The following ZNF697 variants were observed in gnomAD, a reference collection of about 807,000 sequenced individuals.
ZNF697 encodes the protein zinc finger protein 697.
A neutral mutation model predicts 32.4 loss-of-function variants in ZNF697; 23 were observed. That is an observed-to-expected ratio of 0.71 (90% CI 0.51 to 1.01). ZNF697 has a LOEUF of 1.01. ZNF697 is among the 50% of genes least tolerant of loss of function. ZNF697 has a pLI of 0.00. For missense variants in ZNF697, 930 were observed against 794.0 expected, an observed-to-expected ratio of 1.17 and a Z score of -2.06; for synonymous variants, 418 against 337.2, an observed-to-expected ratio of 1.24 and a Z score of -2.62.
In ZNF697 at chr1:119,626,028, C is replaced by CA; in HGVS notation, c.72dup (p.Glu25Ter). ...TCCCCTTCCCTGTCCTCAGAGTCCT[C>CA]AAAATCAGAACCCATCCCTTTGTCT... On this transcript the variant is annotated frameshift_variant, in exon 2 of 3. Coordinates refer to ENST00000421812, the MANE Select transcript of ZNF697 (RefSeq NM_001080470.2). LOFTEE classifies it high-confidence loss of function. The CA allele has an allele frequency of 6.2e-7, 1 of 1,613,732 alleles. No individual in the cohort carries two copies. Among genetic ancestry groups the CA allele is most frequent in the East Asian group, 2.2e-5 (1 of 44,882 alleles).
At chr1:119,641,211 G>A (rs587776123) in intron 1 of ZNF697, among the ~76,000 whole-genome samples, 2 of 152,340 alleles carry the variant, frequency 1.3e-5, no homozygotes, top group East Asian at 1.9e-4. Flanking sequence ...TGTGGCTGCA[G>A]TCTGGTTAAA....
rs779215619 is a variant in ZNF697, at chr1:119,623,198, C to T, written c.1145G>A (p.Gly382Asp). The change falls in exon 3 of 3, where the codon GGC becomes GAC. Residue 382 changes from glycine to aspartate, a missense_variant. Transcript: ENST00000421812. ...GAAGCGCTTGCCGCACTCGCCACAG[C>T]CGTGCGGCTTCTCGCCCGTGTGGAT... ...QRIHTGEKPH[G>D]CGECGKRFSW... 1 of 1,553,970 alleles carries T rather than the reference C, an allele frequency of 6.4e-7. No homozygotes were observed. Among genetic ancestry groups the T allele is most frequent in the African/African-American group, 1.4e-5 (1 of 71,500 alleles).
chr1:119,633,356 A>ATGTGTG (rs58387828), intron 1 of ZNF697, among the ~76,000 whole-genome samples: 2,489 of 143,210 alleles, frequency 0.017, 30 homozygotes, highest in African/African-American at 0.037. Context: ...AACCAATAGG[A>ATGTGTG]TGTGTGTGTG....
intron 2 of ZNF697, 131 bp downstream of exon 2, chr1:119,625,744 C>G (rs1459138439): frequency 4.7e-6 from 6 of 1,274,440 alleles, no homozygotes; most frequent in Non-Finnish European, 6.4e-6. Flanking sequence ...CAAGTCAGTA[C>G]AGAATCCTGC....
chr1:119,627,895 A>G (rs1455407456), intron 1 of ZNF697, among the ~76,000 whole-genome samples: 1 of 152,182 alleles, frequency 6.6e-6, no homozygotes, highest in East Asian at 1.9e-4. Context: ...TACTGACCCC[A>G]AATCACTTCT....
chr1:119,624,203 G>T, intron 2 of ZNF697, 87 bp from the exon 3 acceptor site: 1 of 1,430,640 alleles, frequency 7.0e-7, no homozygotes, highest in South Asian at 1.5e-5. Flanking sequence ...ATAAAACTGT[G>T]ATCCCCTCCC....
Position 119,623,249 on chromosome 1 carries a change from C to T in ZNF697, c.1094G>A (p.Arg365His), listed in dbSNP as rs767474250. The T allele has an allele frequency of 1.9e-6, 3 of 1,556,596 alleles. No individual in the cohort carries two copies. Among genetic ancestry groups the T allele is most frequent in the Non-Finnish European group, 2.6e-6 (3 of 1,155,034 alleles). ...GCGCTGGTGGTTGGCCAGGTGCGAA[C>T]GGCGCACGAAGCCCTTGCCGCACTC... is the stretch of plus-strand genomic sequence containing the variant. ...CGECGKGFVRRSHLANHQRIH... is the reference protein window; with the variant it reads ...CGECGKGFVRHSHLANHQRIH... The change falls in exon 3 of 3, where the codon CGT (arginine) becomes CAT (histidine). Residue 365 changes from arginine to histidine, a missense_variant. Transcript: ENST00000421812.
rs761809418 is a variant in ZNF697 at position 119,623,513 on chromosome 1, G to C, written c.830C>G (p.Thr277Ser). The stretch of plus-strand genomic sequence containing the variant: ...GCCCGTGTGCAGGCGCAGGTGGTTG[G>C]TCAGGTAGGTGTTGCGGCTGAAGCC... ...GKGFSRNTYLTNHLRLHTGER... is the reference protein window; with the variant it reads ...GKGFSRNTYLSNHLRLHTGER... Residue 277 changes from threonine (T) to serine (S), a missense_variant, in exon 3 of 3, where the codon ACC (threonine) becomes AGC (serine). Physicochemically the swap from Thr to Ser is moderately conservative, Grantham distance 58. Transcript: ENST00000421812. 5.1e-6 allele frequency: 8 copies of C among 1,568,054 alleles called. No homozygotes were observed. Among genetic ancestry groups the C allele is most frequent in the Non-Finnish European group, 6.0e-6 (7 of 1,158,642 alleles).
rs1209488800 is a variant in ZNF697 at position 119,624,084 on chromosome 1, C to G, written c.259G>C (p.Val87Leu). The part of the protein sequence containing the change: ...GQLSEEEGVS[V>L]RGEEDDQSGV... ...GATTGGTCATCCTCTTCCCCACGGA[C>G]AGAAACGCCTTCTTCCTCACTCAGC... The change falls in exon 3 of 3, where the codon GTC becomes CTC. Residue 87 changes from valine (V) to leucine (L), a missense_variant. Coordinates refer to ENST00000421812, the MANE Select transcript of ZNF697 (RefSeq NM_001080470.2). The G allele has an allele frequency of 6.3e-7, 1 of 1,593,276 alleles. No homozygotes were observed. Among genetic ancestry groups the G allele is most frequent in the Non-Finnish European group, 8.6e-7 (1 of 1,168,108 alleles).
At chr1:119,637,819 T>G (rs952668605) in intron 1 of ZNF697, among the ~76,000 whole-genome samples, 1 of 152,002 alleles carries the variant, frequency 6.6e-6, no homozygotes, top group African/African-American at 2.4e-5. Context: ...TCTTGTTGGC[T>G]AGAAAAAAAA....
At chr1:119,642,630 T>C (rs587735821) in intron 1 of ZNF697, among the ~76,000 whole-genome samples, 122 of 152,284 alleles carry the variant, frequency 8.0e-4, no homozygotes, top group South Asian at 1.9e-3. Context: ...CACACCTCAT[T>C]GTAAAAAATT....
Position 119,622,945 on chromosome 1 carries a change from G to C in ZNF697, c.1398C>G (p.Arg466=). ...TGAAGCGCTTCTCGCACTGGCCACAGCGGAAGGGCTTCTCGCCGGTGTGCA... is the reference window on the plus strand; with the variant it reads ...TGAAGCGCTTCTCGCACTGGCCACACCGGAAGGGCTTCTCGCCGGTGTGCA... ...LRVHTGEKPF[R]CGQCEKRFSD... is the part of the protein sequence containing the mutation. Residue 466 remains arginine, a synonymous_variant, in exon 3 of 3, where the codon CGC becomes CGG. Coordinates refer to ENST00000421812, the MANE Select transcript of ZNF697 (RefSeq NM_001080470.2). 6.2e-7 allele frequency: 1 copy of C among 1,605,534 alleles called. No individual in the cohort carries two copies. The highest frequency in any genetic ancestry group is 8.5e-7 in the Non-Finnish European group (1 of 1,175,674).
At chr1:119,630,528 C>T (rs2101085598) in intron 1 of ZNF697, among the ~76,000 whole-genome samples, 1 of 152,340 alleles carries the variant, frequency 6.6e-6, no homozygotes, top group Middle Eastern at 3.4e-3. Context: ...TAAGGCCTAT[C>T]ACCCTATCAC....
At chr1:119,634,088 T>A (rs1333702999) in intron 1 of ZNF697, among the ~76,000 whole-genome samples, 1 of 152,230 alleles carries the variant, frequency 6.6e-6, no homozygotes, top group African/African-American at 2.4e-5. Context: ...AAGTTGATGC[T>A]GGAATCCCAT....
Position 119,622,648 on chromosome 1 carries a change from C to A in ZNF697, c.*57G>T. 6.9e-7 allele frequency: 1 copy of A among 1,458,506 alleles called. No homozygotes were observed. The allele number at this position is 1,458,506 out of a possible 1,614,324, so 90.3% of individuals were successfully genotyped here. ...CCCACTTCCTTCCCCTGGGTCAGTC[C>A]CAGGATATCTACCCCCCACAGGCTC... On this transcript the variant is annotated 3_prime_UTR_variant, in exon 3 of 3. Transcript: ENST00000421812.
At position 119,625,958 on chromosome 1, in the gene ZNF697, T is replaced by C; in HGVS notation, c.143A>G (p.Lys48Arg). 1.2e-6 allele frequency: 2 copies of C among 1,613,350 alleles called. No individual in the cohort carries two copies. Among genetic ancestry groups the C allele is most frequent in the Non-Finnish European group, 1.7e-6 (2 of 1,179,856 alleles). ...CTCCGGCTCCGGATGGCCTTCTCTCTTGTTTGTGTCATGTGGATTAGAGCC... is the reference window on the plus strand; with the variant it reads ...CTCCGGCTCCGGATGGCCTTCTCTCCTGTTTGTGTCATGTGGATTAGAGCC... ...EMGSNPHDTN[K>R]REGHPEPEMG... The change falls in exon 2 of 3, where the codon AAG (lysine) becomes AGG (arginine). Residue 48 changes from lysine to arginine, a missense_variant. Coordinates refer to ENST00000421812, the MANE Select transcript of ZNF697 (RefSeq NM_001080470.2).
Position 119,632,036 on chromosome 1 carries a change from A to T in ZNF697, c.-37-5899T>A, listed in dbSNP as rs72994218. 8.5e-3 allele frequency among the ~76,000 whole-genome samples: 1,297 copies of T among 152,230 alleles called. 26 individuals carry two copies. The highest frequency in any genetic ancestry group is 0.029 in the African/African-American group (1,217 of 41,528). On this transcript the variant is annotated intron_variant, in intron 1 of 2. Coordinates refer to ENST00000421812, the MANE Select transcript of ZNF697 (RefSeq NM_001080470.2). ...CAACTGGGGTCTAACCAGAGATTCC[A>T]GGGGGTTAATCATTTGTCCATCTTC...
intron 1 of ZNF697, among the ~76,000 whole-genome samples, chr1:119,638,362 C>T (rs1473015236): frequency 1.3e-5 from 2 of 152,182 alleles, no homozygotes; most frequent in African/African-American, 2.4e-5. Context: ...GATCCAGACC[C>T]ACATCAATTA....
chr1:119,623,069 A>T lies in ZNF697; in HGVS notation c.1274T>A (p.Phe425Tyr). 2.5e-6 allele frequency: 4 copies of T among 1,584,852 alleles called. No homozygotes were observed. The highest frequency in any genetic ancestry group is 2.6e-6 in the Non-Finnish European group (3 of 1,166,040). ...GETFSVSSHL[F>Y]THKRTHSGER... is the part of the protein sequence containing the mutation. ...ACCCGAGTGCGTGCGCTTGTGCGTG[A>T]AGAGGTGCGAGCTGACGCTGAAGGT... Residue 425 changes from phenylalanine to tyrosine, a missense_variant, in exon 3 of 3, where the codon TTC (phenylalanine) becomes TAC (tyrosine). Physicochemically the swap from Phe to Tyr is conservative, Grantham distance 22. Coordinates refer to ENST00000421812, the MANE Select transcript of ZNF697 (RefSeq NM_001080470.2).
Sources: gnomAD v4.1 joint callset for allele counts (sites outside exome capture counted in the v4.1 genomes callset) on GRCh38, gnomAD v4.1.1 for gene constraint, MANE v1.5 for transcripts, NCBI Gene and HGNC (gene_info 2026-07-23, HGNC 2026-07-21) for gene names.